MARVELD2: variants seen among roughly 807,000 people sequenced by gnomAD.
MARVELD2 encodes the protein MARVEL domain containing 2.
Under a neutral mutation model 57.6 loss-of-function variants are expected in MARVELD2, and 49 were observed. The ratio of observed to expected loss-of-function variants is 0.85; its 90% CI spans 0.68 to 1.08. The LOEUF (loss-of-function observed/expected upper bound fraction) is 1.08, where lower values mean the gene tolerates loss of function less well. Among genes scored for constraint, MARVELD2 ranks in the 50% least tolerant of loss-of-function variants. MARVELD2 has a pLI of 0.00. For missense variants in MARVELD2, 606 were observed against 701.1 expected (o/e 0.86, Z 1.53); for synonymous variants, 238 against 258.8 (o/e 0.92, Z 0.77).
chr5:69,436,782 C>T (rs1767157042), intron 5 of MARVELD2, among the ~76,000 whole-genome samples: 1 of 152,054 alleles, frequency 6.6e-6, no homozygotes, highest in Admixed American at 6.6e-5. Flanking sequence ...TCTGGATCAG[C>T]ACAGGCTGGG....
intron 5 of MARVELD2, among the ~76,000 whole-genome samples, chr5:69,435,786 CT>C (rs1240198564): frequency 5.0e-4 from 75 of 150,276 alleles, no homozygotes; most frequent in African/African-American, 1.7e-3. Context: ...AAATGAAACC[CT>C]TTACGAATTA....
At chr5:69,432,895 T>C in intron 4 of MARVELD2, 27 bp from the exon 5 acceptor site, 1 of 1,613,948 alleles carries the variant, frequency 6.2e-7, no homozygotes, top group East Asian at 2.2e-5. Context: ...GAAACAATTA[T>C]ATCTTTGGCT....
Position 69,420,517 on chromosome 5 carries a change from A to G in MARVELD2, c.1132A>G (p.Met378Val). 2 of 1,611,004 alleles carry G rather than the reference A, an allele frequency of 1.2e-6. No individual in the cohort carries two copies. The highest frequency in any genetic ancestry group is 1.7e-6 in the Non-Finnish European group (2 of 1,179,988). Residue 378 changes from methionine (M) to valine (V), a missense_variant, in exon 2 of 7, where the codon ATG becomes GTG. Met to Val is a conservative substitution (Grantham distance 21, BLOSUM62 1). Transcript: ENST00000325631. Reference protein sequence around the residue: ...HEAARRHREYMEQQEINEPSL... With the variant: ...HEAARRHREYVEQQEINEPSL... ...GGCAGCTCGGAGACATAGAGAATAT[A>G]TGGAACAACAGGAGGTAAGTGATTT...
intron 5 of MARVELD2, among the ~76,000 whole-genome samples, chr5:69,436,159 C>A (rs1027911117): frequency 2.0e-5 from 3 of 152,000 alleles, no homozygotes; most frequent in African/African-American, 7.3e-5. Flanking sequence ...CTGTATTAAT[C>A]TATTACATGT....
chr5:69,439,747 G>C (rs1028683480), intron 5 of MARVELD2, among the ~76,000 whole-genome samples: 3 of 150,634 alleles, frequency 2.0e-5, no homozygotes. Context: ...GAGGGAGACT[G>C]TCTTAAAATG....
intron 3 of MARVELD2, among the ~76,000 whole-genome samples, chr5:69,425,516 G>A (rs563721032): frequency 4.0e-5 from 6 of 150,790 alleles, no homozygotes; most frequent in Admixed American, 4.0e-4. Context: ...CATATCTATA[G>A]CTGCTTTTAA....
At chr5:69,440,833 A>T (rs547599565) in intron 6 of MARVELD2, among the ~76,000 whole-genome samples, 6 of 152,386 alleles carry the variant, frequency 3.9e-5, no homozygotes, top group African/African-American at 1.4e-4. Context: ...CTGTAATCCC[A>T]GCACTTTGGG....
At position 69,420,371 on chromosome 5, in the gene MARVELD2, C is replaced by A; in HGVS notation, c.986C>A (p.Pro329Gln). Residue 329 changes from proline (P) to glutamine (Q), a missense_variant, in exon 2 of 7, where the codon CCA (proline) becomes CAA (glutamine). Coordinates refer to ENST00000325631, the MANE Select transcript of MARVELD2 (RefSeq NM_001038603.3). ...TGCTACTATCCGTTATTTAATACACCAGTGAATGCAGTGTTCTGCCGGGTA... is the reference window on the plus strand; with the variant it reads ...TGCTACTATCCGTTATTTAATACACAAGTGAATGCAGTGTTCTGCCGGGTA... ...GLCYYPLFNTPVNAVFCRVEG... is the reference protein window; with the variant it reads ...GLCYYPLFNTQVNAVFCRVEG... The A allele has an allele frequency of 2.5e-6, 4 of 1,614,150 alleles. No homozygotes were observed. In the African/African-American group the frequency reaches 4.0e-5, roughly 16 times the overall value.
chr5:69,423,928 A>G (rs1003730478), intron 2 of MARVELD2, among the ~76,000 whole-genome samples: 4 of 152,182 alleles, frequency 2.6e-5, no homozygotes, highest in African/African-American at 9.7e-5. Context: ...GTTACAATTT[A>G]TTTCTTAAAT....
chr5:69,437,350 CAGCCTGGGCAACAAG>C (rs1452497601), intron 5 of MARVELD2, among the ~76,000 whole-genome samples: 1 of 146,994 alleles, frequency 6.8e-6, no homozygotes, highest in Non-Finnish European at 1.5e-5. Flanking sequence ...CATTGCACTC[CAGCCTGGGCAACAAG>C]AGCGAAACTC....
At chr5:69,426,020 G>A (rs1477317845) in intron 3 of MARVELD2, among the ~76,000 whole-genome samples, 2 of 151,810 alleles carry the variant, frequency 1.3e-5, no homozygotes, top group Admixed American at 6.6e-5. Flanking sequence ...GGGATTATGG[G>A]TGTGAGCCAG....
chr5:69,435,752 CAAAAAA>C (rs35281029), intron 5 of MARVELD2, among the ~76,000 whole-genome samples: 17 of 64,784 alleles, frequency 2.6e-4, no homozygotes, highest in South Asian at 1.5e-3. Context: ...GACCCTGTCT[CAAAAAA>C]AAAAAAAAAA....
chr5:69,437,450 C>T (rs1429134624), intron 5 of MARVELD2, among the ~76,000 whole-genome samples: 2 of 149,356 alleles, frequency 1.3e-5, no homozygotes, highest in Non-Finnish European at 3.0e-5. Flanking sequence ...TTTGGGAGGC[C>T]GAGGCAGGCG....
chr5:69,441,593 T>A lies in MARVELD2; in HGVS notation c.1616T>A (p.Ile539Lys). The A allele has an allele frequency of 6.2e-7, 1 of 1,601,960 alleles. No homozygotes were observed. The highest frequency in any genetic ancestry group is 2.2e-5 in the East Asian group (1 of 44,752). ...CDYLKNKLSH[I>K]KQRIQEYDKV... ...TACCTAAAGAATAAACTTTCTCACA[T>A]AAAGCAAAGAATTCAAGAATATGAT... Residue 539 changes from isoleucine (I) to lysine (K), a missense_variant, in exon 7 of 7, where the codon ATA becomes AAA. Coordinates refer to ENST00000325631, the MANE Select transcript of MARVELD2 (RefSeq NM_001038603.3).
At chr5:69,417,261 A>G (rs1481606919) in intron 1 of MARVELD2, among the ~76,000 whole-genome samples, 1 of 152,122 alleles carries the variant, frequency 6.6e-6, no homozygotes, top group Non-Finnish European at 1.5e-5. Flanking sequence ...TCCTGTCCCC[A>G]TTGCAGTCTT....
At chr5:69,441,130 A>G (rs1328647031) in intron 6 of MARVELD2, among the ~76,000 whole-genome samples, 1 of 151,926 alleles carries the variant, frequency 6.6e-6, no homozygotes, top group Non-Finnish European at 1.5e-5. Context: ...GTTTATTAGT[A>G]TTTTCTATAC....
At chr5:69,435,752 CAAAAAAA>C (rs35281029) in intron 5 of MARVELD2, among the ~76,000 whole-genome samples, 1 of 64,786 alleles carries the variant, frequency 1.5e-5, no homozygotes, top group Non-Finnish European at 2.7e-5. Flanking sequence ...GACCCTGTCT[CAAAAAAA>C]AAAAAAAAAA....
intron 3 of MARVELD2, among the ~76,000 whole-genome samples, chr5:69,427,237 A>T (rs1288345981): frequency 6.6e-6 from 1 of 152,220 alleles, no homozygotes; most frequent in Non-Finnish European, 1.5e-5. Flanking sequence ...GGTTTATATT[A>T]TAAGCTAGAA....
At chr5:69,431,259 C>T (rs951996089) in intron 3 of MARVELD2, among the ~76,000 whole-genome samples, 6 of 151,764 alleles carry the variant, frequency 4.0e-5, no homozygotes, top group East Asian at 3.9e-4. Flanking sequence ...GGATTACAGG[C>T]GCCCGCCACT....
Sources: gnomAD v4.1 joint callset for allele counts (sites outside exome capture counted in the v4.1 genomes callset) on GRCh38, gnomAD v4.1.1 for gene constraint, MANE v1.5 for transcripts, NCBI Gene and HGNC (gene_info 2026-07-23, HGNC 2026-07-21) for gene names.